ALCAM: variants seen among roughly 807,000 people sequenced by gnomAD.
The protein encoded by ALCAM is activated leukocyte cell adhesion molecule.
ALCAM carries 30 observed loss-of-function variants against 70.9 expected under a neutral mutation model. That is an observed-to-expected ratio of 0.42 (90% confidence interval 0.32 to 0.57). ALCAM has a LOEUF of 0.57. ALCAM is among the 20% of genes least tolerant of loss of function. ALCAM has a pLI of 0.11. For synonymous variants in ALCAM, 249 were observed against 242.5 expected, an observed-to-expected ratio of 1.03 and a Z score of -0.25; for missense variants, 591 against 695.1, an observed-to-expected ratio of 0.85 and a Z score of 1.68.
intron 1 of ALCAM, among the ~76,000 whole-genome samples, chr3:105,449,235 T>C (rs1206490452): frequency 1.3e-5 from 2 of 152,222 alleles, no homozygotes; most frequent in Non-Finnish European, 2.9e-5. Flanking sequence ...TCAGTGCTAT[T>C]GTATGGTCTG....
intron 1 of ALCAM, among the ~76,000 whole-genome samples, chr3:105,425,079 A>T (rs1431720530): frequency 7.1e-6 from 1 of 140,058 alleles, no homozygotes; most frequent in Admixed American, 6.9e-5. Context: ...CTCATTCTAC[A>T]GATGAGGAGA....
In ALCAM at chr3:105,533,691, G is replaced by T; in HGVS notation, c.547+1G>T. On this transcript the variant is annotated splice_donor_variant, in intron 5 of 15. Coordinates refer to ENST00000306107, the MANE Select transcript of ALCAM (RefSeq NM_001627.4). LOFTEE classifies it high-confidence loss of function. ...AAAGTGCTACATCCCCTTGAAGGAGGTGGGTGTGAGGGCAGGAGGACAGGG... is the reference window on the plus strand; with the variant it reads ...AAAGTGCTACATCCCCTTGAAGGAGTTGGGTGTGAGGGCAGGAGGACAGGG... 1 of 1,610,508 alleles carries T rather than the reference G, an allele frequency of 6.2e-7. No homozygotes were observed.
Position 105,550,198 on chromosome 3 carries a change from A to G in ALCAM, c.1446A>G (p.Thr482=). 6.2e-7 allele frequency: 1 copy of G among 1,607,292 alleles called. No homozygotes were observed. Among genetic ancestry groups the G allele is most frequent in the Non-Finnish European group, 8.5e-7 (1 of 1,175,110 alleles). The change falls in exon 12 of 16, where the codon ACA becomes ACG. Residue 482 remains threonine (T), a synonymous_variant. Coordinates refer to ENST00000306107, the MANE Select transcript of ALCAM (RefSeq NM_001627.4). ...TCATTTCCCCTGAAGAGAATGTTACATTAACTTGCACAGCAGAAAACCAAC... is the reference window on the plus strand; with the variant it reads ...TCATTTCCCCTGAAGAGAATGTTACGTTAACTTGCACAGCAGAAAACCAAC... ...KIIISPEENV[T]LTCTAENQLE... is the part of the protein sequence containing the mutation.
At chr3:105,426,488 T>C (rs1936794009) in intron 1 of ALCAM, among the ~76,000 whole-genome samples, 1 of 151,910 alleles carries the variant, frequency 6.6e-6, no homozygotes, top group South Asian at 2.1e-4. Flanking sequence ...ACATTTATAG[T>C]TTCTTTATGA....
At chr3:105,380,528 T>C (rs528601857) in intron 1 of ALCAM, among the ~76,000 whole-genome samples, 1 of 151,970 alleles carries the variant, frequency 6.6e-6, no homozygotes, top group South Asian at 2.1e-4. Flanking sequence ...AAAACTATAT[T>C]TTGATTTAGA....
chr3:105,524,796 GATC>G, intron 3 of ALCAM: 1 of 1,134,654 alleles, frequency 8.8e-7, no homozygotes, highest in Non-Finnish European at 1.1e-6. Flanking sequence ...ACTAGCAGGT[GATC>G]TTAATTTTTA....
intron 1 of ALCAM, among the ~76,000 whole-genome samples, chr3:105,515,467 G>A (rs1261762138): frequency 1.3e-5 from 2 of 151,896 alleles, no homozygotes; most frequent in Non-Finnish European, 2.9e-5. Flanking sequence ...TTCCTTTATT[G>A]GAAACCCAGT....
chr3:105,422,118 C>T (rs1482004165), intron 1 of ALCAM, among the ~76,000 whole-genome samples: 1 of 151,396 alleles, frequency 6.6e-6, no homozygotes, highest in African/African-American at 2.4e-5. Context: ...TGAGTGACTT[C>T]ATTTAGAATA....
intron 1 of ALCAM, among the ~76,000 whole-genome samples, chr3:105,452,402 C>T (rs1937450618): frequency 6.6e-6 from 1 of 152,154 alleles, no homozygotes; most frequent in Admixed American, 6.5e-5. Context: ...AGGACATAAT[C>T]TCATTCCTTT....
intron 1 of ALCAM, among the ~76,000 whole-genome samples, chr3:105,494,792 TGGGAACACA>T (rs1218838040): frequency 6.6e-6 from 1 of 152,130 alleles, no homozygotes; most frequent in East Asian, 1.9e-4. Flanking sequence ...CCTGACTAAC[TGGGAACACA>T]GGCACCCACC....
At chr3:105,552,019 T>TA in intron 12 of ALCAM, 125 bp from the exon 13 acceptor site, 1 of 573,400 alleles carries the variant, frequency 1.7e-6, no homozygotes, top group Admixed American at 3.8e-5. Flanking sequence ...TTTTTTTTTT[T>TA]ACTGTTAGCT....
intron 8 of ALCAM, among the ~76,000 whole-genome samples, chr3:105,542,312 T>C (rs1940136460): frequency 6.6e-6 from 1 of 151,818 alleles, no homozygotes; most frequent in Non-Finnish European, 1.5e-5. Flanking sequence ...ACTGTGGACA[T>C]AACTTTTTAA....
rs571337815 is a variant in ALCAM at position 105,375,468 on chromosome 3, T to C, written c.73+7987T>C. ...ATATCATTAATGGGTTATATGCCCC[T>C]TTCATGTCAGGTATAAGAAAGAAAG... On this transcript the variant is annotated intron_variant, in intron 1 of 15. Coordinates refer to ENST00000306107, the MANE Select transcript of ALCAM (RefSeq NM_001627.4). Among the ~76,000 whole-genome samples, 21 of 152,302 alleles carry C rather than the reference T, an allele frequency of 1.4e-4. No individual in the cohort carries two copies. In the East Asian group the frequency reaches 3.9e-3, roughly 28 times the overall value.
At chr3:105,573,050 G>A (rs1940889031) in intron 15 of ALCAM, among the ~76,000 whole-genome samples, 1 of 152,106 alleles carries the variant, frequency 6.6e-6, no homozygotes, top group Admixed American at 6.6e-5. Flanking sequence ...GCCAGGTATA[G>A]GCAATGGCTC....
chr3:105,530,883 A>G (rs145573106), intron 3 of ALCAM, among the ~76,000 whole-genome samples: 2 of 152,138 alleles, frequency 1.3e-5, no homozygotes, highest in African/African-American at 4.8e-5. Context: ...CCTGTTTTCT[A>G]TAATGATCTA....
intron 14 of ALCAM, among the ~76,000 whole-genome samples, chr3:105,557,817 T>C (rs912217053): frequency 5.3e-5 from 8 of 152,158 alleles, no homozygotes; most frequent in Admixed American, 3.3e-4. Context: ...GCATTCCCTA[T>C]TTCTTTGTAG....
At chr3:105,415,668 C>T (rs975019468) in intron 1 of ALCAM, among the ~76,000 whole-genome samples, 2 of 151,942 alleles carry the variant, frequency 1.3e-5, no homozygotes, top group African/African-American at 4.8e-5. Context: ...ATATATTTTT[C>T]CTAAAATATT....
intron 15 of ALCAM, among the ~76,000 whole-genome samples, chr3:105,573,739 A>G (rs1270493521): frequency 6.6e-6 from 1 of 152,200 alleles, no homozygotes; most frequent in Admixed American, 6.5e-5. Context: ...GCTTACCGAT[A>G]TGATATGACA....
intron 1 of ALCAM, among the ~76,000 whole-genome samples, chr3:105,499,294 G>C (rs1938854544): frequency 6.6e-6 from 1 of 152,118 alleles, no homozygotes; most frequent in East Asian, 1.9e-4. Flanking sequence ...CTTTAGGTGA[G>C]AGGAGACCAA....
Sources: allele counts gnomAD v4.1 joint callset (sites outside exome capture counted in the v4.1 genomes callset), GRCh38; gene constraint gnomAD v4.1.1; transcripts MANE v1.5; gene names NCBI Gene and HGNC (gene_info 2026-07-23, HGNC 2026-07-21).